The following EML2 variants were observed in gnomAD, a reference collection of about 807,000 sequenced individuals.
EML2 encodes the protein EMAP like 2, also known as echinoderm microtubule-associated protein-like 2.
In EML2, 59 loss-of-function variants were observed where a neutral mutation model predicts 84.7. The observed-to-expected ratio is 0.70, with a 90% CI of 0.56 to 0.86. EML2 has a LOEUF of 0.86. EML2 is among the 40% of genes least tolerant of loss of function. EML2 has a pLI of 0.00. For synonymous variants in EML2, 352 were observed against 348.9 expected (o/e 1.01, Z -0.10); for missense variants, 818 against 855.6 (o/e 0.96, Z 0.55).
At chr19:45,609,862 G>T in intron 18 of EML2, 74 bp from the exon 19 acceptor site, 1 of 1,517,868 alleles carries the variant, frequency 6.6e-7, no homozygotes, top group South Asian at 1.3e-5. Context: ...CTCTTGTCTT[G>T]ACCCGGTTCT....
At chr19:45,616,896 T>C in intron 13 of EML2, 43 bp from the exon 14 acceptor site, 1 of 1,476,470 alleles carries the variant, frequency 6.8e-7, no homozygotes, top group Non-Finnish European at 9.4e-7. Flanking sequence ...GGTGAGCTGA[T>C]CTGACAGAGA....
chr19:45,628,939 C>A (rs1378596697), intron 7 of EML2: 2 of 152,146 alleles, frequency 1.3e-5, no homozygotes, highest in African/African-American at 4.8e-5. Context: ...AGTATCTCTT[C>A]CCCTCACCAT....
Position 45,616,464 on chromosome 19 carries a change from G to A in EML2, c.1506C>T (p.Cys502=). The change falls in exon 15 of 19, where the codon TGC becomes TGT. Residue 502 remains cysteine, a synonymous_variant. Transcript: ENST00000245925. ...GGRKVSRLGK[C]SGHSSFITHL... ...CTGGGGGCCACTGCCCACTCACCGA[G>A]CACTTGCCCAGGCGGCTGACCTTGC... 1 of 1,586,854 alleles carries A rather than the reference G, an allele frequency of 6.3e-7. No homozygotes were observed. Among genetic ancestry groups the A allele is most frequent in the Non-Finnish European group, 8.6e-7 (1 of 1,160,582 alleles).
intron 7 of EML2, among the ~76,000 whole-genome samples, chr19:45,627,331 TACA>T (rs776245522): frequency 3.4e-5 from 5 of 148,580 alleles, no homozygotes; most frequent in Non-Finnish European, 7.4e-5. Flanking sequence ...TCTTGGCTCC[TACA>T]ACCTCTGCCT....
Position 45,616,567 on chromosome 19 carries a change from G to A in EML2, c.1412-9C>T. 1 of 1,604,018 alleles carries A rather than the reference G, an allele frequency of 6.2e-7. No individual in the cohort carries two copies. Among genetic ancestry groups the A allele is most frequent in the Non-Finnish European group, 8.5e-7 (1 of 1,172,268 alleles). Reference sequence around the variant, plus strand: ...GGCCAGGTACGCCCCGTCTGGGGGAGGGGGAGGGGGGCTATGAGGAGGCAC... The same window carrying A: ...GGCCAGGTACGCCCCGTCTGGGGGAAGGGGAGGGGGGCTATGAGGAGGCAC... On this transcript the variant is annotated splice_polypyrimidine_tract_variant and intron_variant, in intron 14 of 18. Transcript: ENST00000245925.
Position 45,638,544 on chromosome 19 carries a change from C to A in EML2, c.140G>T (p.Arg47Leu), listed in dbSNP as rs1442541981. The change falls in exon 3 of 19, where the codon CGC (arginine) becomes CTC (leucine). Residue 47 changes from arginine to leucine, a missense_variant. By Grantham distance (102) the Arg-to-Leu change is moderately radical. Coordinates refer to ENST00000245925, the MANE Select transcript of EML2 (RefSeq NM_012155.4). The part of the protein sequence containing the change: ...ELAPTYSLDT[R>L]SELPSCRLKL... ...GAGCCGGCAAGAAGGCAGCTCCGAG[C>A]GTGTGTCCAGGCTGTAGGTGGGTGC... The A allele has an allele frequency of 6.2e-7, 1 of 1,614,048 alleles. No individual in the cohort carries two copies. The highest frequency in any genetic ancestry group is 8.5e-7 in the Non-Finnish European group (1 of 1,180,024).
chr19:45,638,749 G>A, intron 2 of EML2, 96 bp downstream of exon 2: 3 of 1,590,708 alleles, frequency 1.9e-6, no homozygotes, highest in Non-Finnish European at 2.6e-6. Flanking sequence ...GGCCAGAGAG[G>A]CAAAGACCCA....
rs1403300883 is a variant in EML2 at position 45,634,434 on chromosome 19, A to C, written c.217T>G (p.Tyr73Asp). 1.2e-6 allele frequency: 2 copies of C among 1,613,826 alleles called. No individual in the cohort carries two copies. Among genetic ancestry groups the C allele is most frequent in the African/African-American group, 1.3e-5 (1 of 74,924 alleles). ...ACTATCTCCCCGGTGGGCAGCAAAT[A>C]AAGGTTGGCCCGGCAGTCTCGGCCA... ...YRGRDCRANL[Y>D]LLPTGEIVYF... Residue 73 changes from tyrosine to aspartate, a missense_variant, in exon 4 of 19, where the codon TAT becomes GAT. Transcript: ENST00000245925.
intron 6 of EML2, among the ~76,000 whole-genome samples, chr19:45,632,094 C>T (rs1202034220): frequency 2.6e-5 from 4 of 150,972 alleles, no homozygotes; most frequent in Non-Finnish European, 5.9e-5. Context: ...GGGGTTTCAC[C>T]ATGTTGGCCA....
At chr19:45,643,787 C>T, upstream of EML2, 1 of 1,473,250 alleles carries the variant, frequency 6.8e-7, no homozygotes, top group Non-Finnish European at 9.0e-7. Context: ...GGCTTGCCCG[C>T]CCTGCCCCCC....
intron 10 of EML2, 62 bp from the exon 11 acceptor site, chr19:45,621,394 A>G: frequency 6.4e-7 from 1 of 1,573,382 alleles, no homozygotes; most frequent in Non-Finnish European, 8.6e-7. Flanking sequence ...GGGGTGACAT[A>G]CTGTGGGGAG....
chr19:45,616,677 T>C, intron 14 of EML2, 88 bp downstream of exon 14: 1 of 1,432,604 alleles, frequency 7.0e-7, no homozygotes. Context: ...TAGGCCTCGC[T>C]TCGCAGGCTC....
intron 6 of EML2, among the ~76,000 whole-genome samples, chr19:45,631,287 C>T (rs190458240): frequency 2.8e-4 from 43 of 152,258 alleles, no homozygotes; most frequent in African/African-American, 1.0e-3. Flanking sequence ...CTCAGAAAAC[C>T]GGTGAGGGTC....
At chr19:45,622,766 G>C (rs1040386414) in intron 9 of EML2, among the ~76,000 whole-genome samples, 1 of 152,096 alleles carries the variant, frequency 6.6e-6, no homozygotes, top group Non-Finnish European at 1.5e-5. Flanking sequence ...GAGGGCAGGC[G>C]GCCGGGTTCG....
rs1181235181 is a variant in EML2 at position 45,632,970 on chromosome 19, G to T, written c.401C>A (p.Pro134Gln). The change falls in exon 6 of 19, where the codon CCG becomes CAG. Residue 134 changes from proline to glutamine, a missense_variant and splice_region_variant. Pro to Gln is a moderately conservative substitution (Grantham distance 76). Coordinates refer to ENST00000245925, the MANE Select transcript of EML2 (RefSeq NM_012155.4). ...CCAGATGCGCACGTGGGGCGGCAGC[G>T]GCTGCAGGGAAGAGAGGCTTGTTAC... ...QVAGTTKEGKPLPPHVRIWDS... is the reference protein window; with the variant it reads ...QVAGTTKEGKQLPPHVRIWDS... 6.2e-7 allele frequency: 1 copy of T among 1,613,734 alleles called. No individual in the cohort carries two copies. Among genetic ancestry groups the T allele is most frequent in the Non-Finnish European group, 8.5e-7 (1 of 1,179,956 alleles).
At chr19:45,616,973 C>G in intron 13 of EML2, 120 bp from the exon 14 acceptor site, 3 of 735,676 alleles carry the variant, frequency 4.1e-6, no homozygotes, top group South Asian at 1.6e-5. Flanking sequence ...GGGCTGGGCA[C>G]GGTGGCTCAG....
intron 14 of EML2, 42 bp from the exon 15 acceptor site, chr19:45,616,600 C>A: frequency 3.3e-6 from 5 of 1,522,710 alleles, no homozygotes; most frequent in Non-Finnish European, 4.5e-6. Flanking sequence ...CACCCAGGCT[C>A]CATCCCCTCC....
At chr19:45,611,064 C>T (rs1339343648) in intron 18 of EML2, among the ~76,000 whole-genome samples, 1 of 151,994 alleles carries the variant, frequency 6.6e-6, no homozygotes, top group African/African-American at 2.4e-5. Context: ...GCTATGAGAT[C>T]ATATTTAGGA....
intron 3 of EML2, among the ~76,000 whole-genome samples, chr19:45,637,779 C>T (rs151026429): frequency 1.1e-3 from 164 of 146,454 alleles, no homozygotes; most frequent in African/African-American, 4.0e-3. Context: ...TGGGTTCAAG[C>T]GATTCTCCTG....
Sources: allele counts gnomAD v4.1 joint callset (sites outside exome capture counted in the v4.1 genomes callset), GRCh38; gene constraint gnomAD v4.1.1; transcripts MANE v1.5; gene names NCBI Gene and HGNC (gene_info 2026-07-23, HGNC 2026-07-21).